UBE2D1: variants seen among roughly 807,000 people sequenced by gnomAD.
UBE2D1 encodes the protein ubiquitin conjugating enzyme E2 D1.
A neutral mutation model predicts 24.6 loss-of-function variants in UBE2D1; 9 were observed. The ratio of observed to expected loss-of-function variants is 0.37; its 90% CI spans 0.22 to 0.64. The LOEUF is 0.64. Among genes scored for constraint, UBE2D1 ranks in the 30% least tolerant of loss-of-function variants. The pLI is 0.64. For synonymous variants in UBE2D1, 57 were observed against 57.6 expected (o/e 0.99, Z 0.04); for missense variants, 87 against 177.1 (o/e 0.49, Z 2.89).
intron 1 of UBE2D1, among the ~76,000 whole-genome samples, chr10:58,338,492 C>A (rs1439654036): frequency 1.3e-5 from 2 of 152,092 alleles, no homozygotes; most frequent in Admixed American, 6.5e-5. Flanking sequence ...ATACCTAAAA[C>A]ATGTCTGAAA....
chr10:58,337,697 C>G (rs1454723596), intron 1 of UBE2D1, among the ~76,000 whole-genome samples: 1 of 152,034 alleles, frequency 6.6e-6, no homozygotes, highest in African/African-American at 2.4e-5. Context: ...GGGACGTTTT[C>G]AGACTGTCAT....
At chr10:58,350,385 T>C (rs1486731104) in intron 1 of UBE2D1, among the ~76,000 whole-genome samples, 1 of 106,822 alleles carries the variant, frequency 9.4e-6, no homozygotes, top group Non-Finnish European at 1.9e-5. Context: ...CCCCTTCTGA[T>C]ATATATATAT....
At chr10:58,367,884 A>G in intron 5 of UBE2D1, 39 bp from the exon 6 acceptor site, 1 of 1,345,546 alleles carries the variant, frequency 7.4e-7, no homozygotes, top group Non-Finnish European at 1.1e-6. Flanking sequence ...ATGAAGTAGA[A>G]GGGTTATTGT....
intron 1 of UBE2D1, among the ~76,000 whole-genome samples, chr10:58,340,454 T>G (rs1408568618): frequency 6.6e-6 from 1 of 152,190 alleles, no homozygotes; most frequent in African/African-American, 2.4e-5. Flanking sequence ...TAATTTAATA[T>G]CAGTAATCTG....
chr10:58,336,034 G>T (rs970847490), intron 1 of UBE2D1, among the ~76,000 whole-genome samples: 4 of 152,198 alleles, frequency 2.6e-5, no homozygotes, highest in Non-Finnish European at 5.9e-5. Context: ...GAATGAGGAA[G>T]AAATATATAT....
intron 5 of UBE2D1, among the ~76,000 whole-genome samples, chr10:58,365,323 GAGATAGTAAAAGGA>G (rs1190378250): frequency 3.3e-5 from 5 of 152,152 alleles, no homozygotes; most frequent in Non-Finnish European, 5.9e-5. Context: ...GAGAGAATAA[GAGATAGTAAAAGGA>G]AGATTTTGGG....
intron 1 of UBE2D1, among the ~76,000 whole-genome samples, chr10:58,351,885 A>T (rs545076002): frequency 1.3e-5 from 2 of 152,288 alleles, no homozygotes; most frequent in African/African-American, 4.8e-5. Flanking sequence ...TCATTAGGTG[A>T]TAGGAATTTT....
chr10:58,350,391 T>C (rs1482452457), intron 1 of UBE2D1, among the ~76,000 whole-genome samples: 2 of 107,424 alleles, frequency 1.9e-5, no homozygotes, highest in Non-Finnish European at 3.7e-5. Flanking sequence ...CTGATATATA[T>C]ATATGTGTAT....
intron 1 of UBE2D1, among the ~76,000 whole-genome samples, chr10:58,357,606 T>A (rs1329157859): frequency 6.6e-6 from 1 of 152,188 alleles, no homozygotes; most frequent in Admixed American, 6.5e-5. Flanking sequence ...TGTATTTTTG[T>A]GGACCAGAGT....
At chr10:58,349,634 C>T (rs945553524) in intron 1 of UBE2D1, among the ~76,000 whole-genome samples, 5 of 151,696 alleles carry the variant, frequency 3.3e-5, no homozygotes, top group South Asian at 2.1e-4. Context: ...TTATGTTATT[C>T]GTTGTGGCAA....
At chr10:58,362,012 T>C (rs1176317280) in intron 3 of UBE2D1, among the ~76,000 whole-genome samples, 5 of 152,196 alleles carry the variant, frequency 3.3e-5, no homozygotes, top group Non-Finnish European at 7.4e-5. Context: ...TACCTCCTTA[T>C]AAATTTGCTG....
intron 4 of UBE2D1, 106 bp downstream of exon 4, chr10:58,363,792 G>GTC (rs1472774829): frequency 1.4e-6 from 1 of 735,474 alleles, no homozygotes; most frequent in Admixed American, 3.5e-5. Context: ...AAAGACTGTG[G>GTC]GGAGGTTAGC....
At chr10:58,367,302 A>AGTGTGTGT (rs34565317) in intron 5 of UBE2D1, among the ~76,000 whole-genome samples, 3 of 149,736 alleles carry the variant, frequency 2.0e-5, no homozygotes, top group African/African-American at 7.3e-5. Flanking sequence ...TTAGATCGTT[A>AGTGTGTGT]GTGTGTGTGT....
chr10:58,363,456 A>G (rs934819386), intron 3 of UBE2D1, among the ~76,000 whole-genome samples, 153 bp from the exon 4 acceptor site: 1 of 152,156 alleles, frequency 6.6e-6, no homozygotes, highest in African/African-American at 2.4e-5. Flanking sequence ...TTATGACAAA[A>G]TGGTTGCATT....
intron 1 of UBE2D1, among the ~76,000 whole-genome samples, chr10:58,348,329 A>G (rs1005707491): frequency 6.6e-6 from 1 of 152,252 alleles, no homozygotes; most frequent in African/African-American, 2.4e-5. Flanking sequence ...TAAGGAGATC[A>G]GGGCCTGAAC....
At chr10:58,350,830 C>T (rs113633913) in intron 1 of UBE2D1, among the ~76,000 whole-genome samples, 2 of 152,124 alleles carry the variant, frequency 1.3e-5, no homozygotes, top group South Asian at 2.1e-4. Context: ...CAAACATCAT[C>T]GAGTGTACTT....
At chr10:58,367,648 G>T (rs1840271101) in intron 5 of UBE2D1, among the ~76,000 whole-genome samples, 1 of 151,980 alleles carries the variant, frequency 6.6e-6, no homozygotes, top group South Asian at 2.1e-4. Context: ...CTACTTTGGA[G>T]GGTCACATTT....
rs778044921 is a variant in UBE2D1 at position 58,335,201 on chromosome 10, C to T, written c.-1C>T. The T allele has an allele frequency of 2.4e-5, 37 of 1,548,836 alleles. No individual in the cohort carries two copies. In the South Asian group the frequency reaches 4.1e-4, roughly 17 times the overall value. On this transcript the variant is annotated 5_prime_UTR_variant, in exon 1 of 7. Coordinates refer to ENST00000373910, the MANE Select transcript of UBE2D1 (RefSeq NM_003338.5). ...GGTGTCCCCACCGCCATCCCTGACC[C>T]ATGGCGCTGAAGAGGATTCAGAAAG...
intron 1 of UBE2D1, among the ~76,000 whole-genome samples, chr10:58,343,510 A>G (rs921800106): frequency 2.0e-5 from 3 of 152,210 alleles, no homozygotes. Context: ...AATGTTAAAA[A>G]TACATGCCAT....
Sources: allele counts gnomAD v4.1 joint callset (sites outside exome capture counted in the v4.1 genomes callset), GRCh38; gene constraint gnomAD v4.1.1; transcripts MANE v1.5; gene names NCBI Gene and HGNC (gene_info 2026-07-23, HGNC 2026-07-21).